CAST: variants seen among roughly 807,000 people sequenced by gnomAD.
CAST encodes the protein calpastatin.
A neutral mutation model predicts 119.6 loss-of-function variants in CAST; 76 were observed. The ratio of observed to expected loss-of-function variants is 0.64; its 90% CI spans 0.53 to 0.77. The LOEUF (loss-of-function observed/expected upper bound fraction) is 0.77. Ranked by LOEUF, CAST falls within the 30% of genes least tolerant of loss-of-function variation. The probability of loss-of-function intolerance (pLI) is 0.00; values close to 1 mark genes in which losing one functional copy is unlikely to be tolerated. For synonymous variants in CAST, 319 were observed against 331.6 expected (o/e 0.96, Z 0.41); for missense variants, 953 against 946.5 (o/e 1.01, Z -0.09).
chr5:96,604,263 A>G (rs558211182), intron 1 of CAST, among the ~76,000 whole-genome samples: 1 of 152,338 alleles, frequency 6.6e-6, no homozygotes, highest in South Asian at 2.1e-4. Flanking sequence ...ACACATGAAC[A>G]TACTCAGGAT....
At chr5:96,427,903 T>G in the CAST span, among the ~76,000 whole-genome samples, 1 of 152,140 alleles carries the variant, frequency 6.6e-6, no homozygotes, top group Non-Finnish European at 1.5e-5. Context: ...TTGAAGTGAG[T>G]AAGGGAAGAC....
At chr5:96,173,705 A>G in the CAST span, among the ~76,000 whole-genome samples, 1 of 151,740 alleles carries the variant, frequency 6.6e-6, no homozygotes, top group East Asian at 1.9e-4. Context: ...TTATCATTAT[A>G]TTAGCTTAGG....
the CAST span, among the ~76,000 whole-genome samples, chr5:96,256,329 GGTATATAAATATATAAATATACA>G: frequency 6.9e-6 from 1 of 144,436 alleles, no homozygotes; most frequent in Non-Finnish European, 1.5e-5. Flanking sequence ...ATAAATATAC[GGTATATAAATATATAAATATACA>G]GTATATAAAT....
the CAST span, among the ~76,000 whole-genome samples, chr5:96,037,510 GA>G: frequency 6.6e-6 from 1 of 152,092 alleles, no homozygotes; most frequent in Admixed American, 6.5e-5. Context: ...TATGTGAGAA[GA>G]AAAAGATTCA....
chr5:96,056,475 G>A, the CAST span, among the ~76,000 whole-genome samples: 9 of 152,210 alleles, frequency 5.9e-5, no homozygotes, highest in East Asian at 1.7e-3. Flanking sequence ...GACCTGATGT[G>A]GACTTAAATT....
In CAST at chr5:96,685,259, A is replaced by G. The variant is rs152018; in HGVS notation, c.138+9658A>G. On this transcript the variant is annotated intron_variant, in intron 2 of 31. Transcript: ENST00000675179. ...ATGGATGTTCAGTTCACTTCAGCAC[A>G]GATCATAAGCACTAGAAACCTCATG... 7.4e-4 allele frequency among the ~76,000 whole-genome samples: 112 copies of G among 152,310 alleles called. 2 individuals carry two copies. The South Asian group carries it at 0.023, about 31-fold the overall frequency.
At chr5:96,046,141 T>C in the CAST span, among the ~76,000 whole-genome samples, 1 of 151,620 alleles carries the variant, frequency 6.6e-6, no homozygotes, top group African/African-American at 2.4e-5. Context: ...TAGAATGAGA[T>C]AGGGGAGAAG....
chr5:96,724,295 C>T (rs1453475838), intron 4 of CAST, among the ~76,000 whole-genome samples: 1 of 152,006 alleles, frequency 6.6e-6, no homozygotes, highest in Non-Finnish European at 1.5e-5. Flanking sequence ...ATCCTCCTAC[C>T]TCAGTCTCCT....
chr5:96,129,755 C>G, the CAST span, among the ~76,000 whole-genome samples: 1 of 151,940 alleles, frequency 6.6e-6, no homozygotes, highest in Non-Finnish European at 1.5e-5. Context: ...GTGAAAAGGA[C>G]TCTAATAAAA....
At chr5:96,766,179 G>A in intron 27 of CAST, 34 bp downstream of exon 27, 1 of 1,181,808 alleles carries the variant, frequency 8.5e-7, no homozygotes, top group Non-Finnish European at 1.3e-6. Flanking sequence ...TCGGATTTAT[G>A]CTACCAAGAT....
At chr5:96,165,017 A>G in the CAST span, among the ~76,000 whole-genome samples, 2,426 of 152,184 alleles carry the variant, frequency 0.016, 52 homozygotes, top group African/African-American at 0.055. Context: ...TATACTGAAG[A>G]GCTGTCATTT....
chr5:96,509,257 T>C, the CAST span, among the ~76,000 whole-genome samples: 1 of 152,232 alleles, frequency 6.6e-6, no homozygotes, highest in African/African-American at 2.4e-5. Flanking sequence ...AATAGGTCTT[T>C]GCAACCGGTG....
chr5:96,419,638 T>C, the CAST span, among the ~76,000 whole-genome samples: 1 of 151,930 alleles, frequency 6.6e-6, no homozygotes, highest in South Asian at 2.1e-4. Context: ...TATGACATGC[T>C]CTCTCAATGC....
chr5:96,662,129 G>C, upstream of CAST: 1 of 343,764 alleles, frequency 2.9e-6, no homozygotes, highest in Non-Finnish European at 5.2e-6. Flanking sequence ...TGACCAACCG[G>C]GACCAGAGCA....
chr5:96,056,527 G>A, the CAST span, among the ~76,000 whole-genome samples: 1 of 152,138 alleles, frequency 6.6e-6, no homozygotes, highest in African/African-American at 2.4e-5. Context: ...TTGAGAAAGA[G>A]TTTGAATCGG....
intron 1 of CAST, among the ~76,000 whole-genome samples, chr5:96,633,149 T>C (rs1747844034): frequency 6.6e-6 from 1 of 152,076 alleles, no homozygotes; most frequent in South Asian, 2.1e-4. Context: ...TTTTTTGTAT[T>C]TTTAATAGAG....
At chr5:96,255,368 A>T in the CAST span, among the ~76,000 whole-genome samples, 1 of 152,204 alleles carries the variant, frequency 6.6e-6, no homozygotes, top group African/African-American at 2.4e-5. Context: ...TTTATTTATT[A>T]AACTTGCTGA....
At chr5:96,126,571 T>C in the CAST span, among the ~76,000 whole-genome samples, 2 of 152,134 alleles carry the variant, frequency 1.3e-5, no homozygotes, top group Non-Finnish European at 2.9e-5. Context: ...TTAGTGACTT[T>C]ATATTTTAAA....
the CAST span, among the ~76,000 whole-genome samples, chr5:96,227,029 A>G: frequency 8.5e-5 from 13 of 152,178 alleles, no homozygotes; most frequent in Non-Finnish European, 8.8e-5. Context: ...GTCGCTCTGT[A>G]ATCACATCTG....
Sources: allele counts gnomAD v4.1 joint callset (sites outside exome capture counted in the v4.1 genomes callset), GRCh38; gene constraint gnomAD v4.1.1; transcripts MANE v1.5; gene names NCBI Gene and HGNC (gene_info 2026-07-23, HGNC 2026-07-21).